KIAA2012: variants seen among roughly 807,000 people sequenced by gnomAD.
KIAA2012 encodes uncharacterized protein KIAA2012.
In KIAA2012, 125 loss-of-function variants were observed where a neutral mutation model predicts 150.6. The ratio of observed to expected loss-of-function variants is 0.83; its 90% CI spans 0.72 to 0.96. The LOEUF is 0.96. Ranked by LOEUF, KIAA2012 falls within the 40% of genes least tolerant of loss-of-function variation. The pLI is 0.00. For synonymous variants in KIAA2012, 462 were observed against 504.7 expected (o/e 0.92, Z 1.13); for missense variants, 1,219 against 1,354.9 (o/e 0.90, Z 1.57).
Position 202,154,773 on chromosome 2 carries a change from C to A in KIAA2012, c.2009C>A (p.Thr670Lys), listed in dbSNP as rs935148499. The A allele has an allele frequency of 6.5e-7, 1 of 1,549,504 alleles. No homozygotes were observed. The highest frequency in any genetic ancestry group is 8.7e-7 in the Non-Finnish European group (1 of 1,146,824). Residue 670 changes from threonine to lysine, a missense_variant, in exon 14 of 24, where the codon ACG becomes AAG. Physicochemically the swap from Thr to Lys is moderately conservative, Grantham distance 78. Transcript: ENST00000498697. ...LICSNRKEFYTRKLHIDMTPF... is the reference protein window; with the variant it reads ...LICSNRKEFYKRKLHIDMTPF... ...TGTTCAAACAGAAAAGAATTTTACA[C>A]GCGCAAGCTGCACATCGACATGACG...
intron 1 of KIAA2012, among the ~76,000 whole-genome samples, chr2:202,074,536 C>T (rs1468505938): frequency 6.6e-6 from 1 of 152,170 alleles, no homozygotes; most frequent in Non-Finnish European, 1.5e-5. Context: ...GCCAGCTAGT[C>T]CAGGTCTAAT....
At chr2:202,092,979 T>C in intron 3 of KIAA2012, 51 bp from the exon 4 acceptor site, 1 of 1,501,440 alleles carries the variant, frequency 6.7e-7, no homozygotes, top group Non-Finnish European at 9.0e-7. Context: ...CACCAAGAAC[T>C]TGAAGTTGGC....
rs540291197 is a variant in KIAA2012 at position 202,172,945 on chromosome 2, C to A, written c.2119+7589C>A. ...TATCTGCAGCCTGCAGTACTAGGTG[C>A]AAAATATTCTGCTAGTCCTTAGCAC... On this transcript the variant is annotated intron_variant, in intron 15 of 23. Transcript: ENST00000498697. Among the ~76,000 whole-genome samples, 20 of 152,350 alleles carry A rather than the reference C, an allele frequency of 1.3e-4. No homozygotes were observed. The South Asian group carries it at 4.1e-3, about 32-fold the overall frequency.
intron 12 of KIAA2012, among the ~76,000 whole-genome samples, chr2:202,133,130 A>ATATATATATTTTTTTTTTTTTTTT (rs1279080237): frequency 3.0e-5 from 2 of 67,784 alleles, no homozygotes; most frequent in Non-Finnish European, 5.8e-5. Context: ...ATATATATAT[A>ATATATATATTTTTTTTTTTTTTTT]TTTTTTTTTT....
chr2:202,189,367 C>G (rs1422238914), intron 18 of KIAA2012, among the ~76,000 whole-genome samples: 2 of 151,800 alleles, frequency 1.3e-5, no homozygotes, highest in Non-Finnish European at 2.9e-5. Flanking sequence ...TCTCGGCTCA[C>G]TGCAACCTCC....
At position 202,104,418 on chromosome 2, in the gene KIAA2012, G is replaced by A. The variant is rs1202424323; in HGVS notation, c.1324+1304G>A. Among the ~76,000 whole-genome samples, 1 of 152,240 alleles carries A rather than the reference G, an allele frequency of 6.6e-6. No individual in the cohort carries two copies. Among genetic ancestry groups the A allele is most frequent in the Admixed American group, 6.5e-5 (1 of 15,282 alleles). Reference sequence around the variant, plus strand: ...TAGTTTGTTACTCACAGTTCCAAGAGGAGGAGGCACACCACACCATGCAGG... The same window carrying A: ...TAGTTTGTTACTCACAGTTCCAAGAAGAGGAGGCACACCACACCATGCAGG... On this transcript the variant is annotated intron_variant, in intron 8 of 23. Coordinates refer to ENST00000498697, the MANE Select transcript of KIAA2012 (RefSeq NM_001277372.4). This position sits in a 1 kb window ranked among gnomAD's most constrained non-coding sequence, Gnocchi z 4.3.
intron 13 of KIAA2012, among the ~76,000 whole-genome samples, chr2:202,150,690 C>T (rs1393448239): frequency 6.6e-6 from 1 of 152,124 alleles, no homozygotes; most frequent in Non-Finnish European, 1.5e-5. Flanking sequence ...TCAAGTGATC[C>T]AGCCACCTCA....
rs140315237 is a variant in KIAA2012, at chr2:202,163,446, T to C, written c.2047-1838T>C. Among the ~76,000 whole-genome samples, 16 of 152,308 alleles carry C rather than the reference T, an allele frequency of 1.1e-4. No homozygotes were observed. The East Asian group carries it at 3.1e-3, about 29-fold the overall frequency. ...TAAAAAAAGATAGTTCTTTTGACACTCTTCTAAGCAACATACAATTGAATT... is the reference window on the plus strand; with the variant it reads ...TAAAAAAAGATAGTTCTTTTGACACCCTTCTAAGCAACATACAATTGAATT... On this transcript the variant is annotated intron_variant, in intron 14 of 23. Coordinates refer to ENST00000498697, the MANE Select transcript of KIAA2012 (RefSeq NM_001277372.4).
At chr2:202,174,228 G>A (rs1691950089) in intron 15 of KIAA2012, among the ~76,000 whole-genome samples, 1 of 152,184 alleles carries the variant, frequency 6.6e-6, no homozygotes, top group Non-Finnish European at 1.5e-5. Context: ...GCCTCCCAAA[G>A]TGCTGGGATT....
intron 15 of KIAA2012, among the ~76,000 whole-genome samples, chr2:202,183,532 G>A (rs1316582959): frequency 7.8e-6 from 1 of 128,486 alleles, no homozygotes. Context: ...GTGCTCCACT[G>A]GTGTGCAGTG....
At chr2:202,131,095 T>A (rs1690917227) in intron 12 of KIAA2012, among the ~76,000 whole-genome samples, 1 of 152,152 alleles carries the variant, frequency 6.6e-6, no homozygotes, top group Non-Finnish European at 1.5e-5. Context: ...AATGTAGACA[T>A]CAGAATCAGA....
At chr2:202,093,232 T>G (rs780055650) in intron 4 of KIAA2012, 47 bp downstream of exon 4, 18 of 1,535,292 alleles carry the variant, frequency 1.2e-5, no homozygotes, top group Non-Finnish European at 1.6e-5. Context: ...TCTCAGATAT[T>G]TGAATTGTTA....
rs549184750 is a variant in KIAA2012 at position 202,187,002 on chromosome 2, G to A, written c.2280G>A (p.Arg760=). The A allele has an allele frequency of 1.9e-6, 3 of 1,550,612 alleles. No individual in the cohort carries two copies. Among genetic ancestry groups the A allele is most frequent in the Non-Finnish European group, 2.6e-6 (3 of 1,146,994 alleles). The change falls in exon 17 of 24, where the codon AGG becomes AGA. Residue 760 remains arginine (R), a synonymous_variant. Coordinates refer to ENST00000498697, the MANE Select transcript of KIAA2012 (RefSeq NM_001277372.4). ...LLGYGPESPE[R]LSAVYTSLLP... ...GATACGGGCCTGAGTCACCCGAGAG[G>A]TTGAGTGCTGTGTATACATCTCTTC...
chr2:202,105,309 T>A (rs1030072473), intron 8 of KIAA2012, among the ~76,000 whole-genome samples: 2 of 151,998 alleles, frequency 1.3e-5, no homozygotes, highest in Admixed American at 1.3e-4. Flanking sequence ...AATTTGTTCA[T>A]GCAAGAATCA....
chr2:202,150,479 C>T (rs111792330), intron 13 of KIAA2012, among the ~76,000 whole-genome samples: 174 of 150,574 alleles, frequency 1.2e-3, no homozygotes, highest in African/African-American at 3.8e-3. Context: ...GACAGAGTCT[C>T]GCTCTGTCGC....
chr2:202,187,399 G>C (rs374679349), intron 17 of KIAA2012, among the ~76,000 whole-genome samples: 37 of 152,212 alleles, frequency 2.4e-4, no homozygotes, highest in African/African-American at 7.9e-4. Flanking sequence ...CCGCCTCCCA[G>C]GTTCAAGTGA....
intron 22 of KIAA2012, among the ~76,000 whole-genome samples, chr2:202,198,688 C>G (rs868732314): frequency 1.3e-5 from 2 of 152,176 alleles, no homozygotes; most frequent in Non-Finnish European, 2.9e-5. Flanking sequence ...AACTAATAAT[C>G]GTCCCTCTTT....
intron 14 of KIAA2012, among the ~76,000 whole-genome samples, chr2:202,158,078 TC>T (rs1041162443): frequency 5.9e-5 from 9 of 151,958 alleles, no homozygotes; most frequent in African/African-American, 2.2e-4. Context: ...CACTGCAAGC[TC>T]CCCCTCCTGG....
chr2:202,193,344 G>A lies in KIAA2012; in HGVS notation c.2855G>A (p.Arg952Lys), dbSNP rs754257172. Residue 952 changes from arginine (R) to lysine (K), a missense_variant, in exon 20 of 24, where the codon AGG (arginine) becomes AAG (lysine). By Grantham distance (26) the Arg-to-Lys change is conservative. Transcript: ENST00000498697. ...GAGCAGGAGAAGGCTTCCTGGGACA[G>A]GCTTCGAGCAGAAAGAGCCGAGATG... is the stretch of plus-strand genomic sequence containing the variant. Reference protein sequence around the residue: ...KREQEKASWDRLRAERAEMRW... With the variant: ...KREQEKASWDKLRAERAEMRW... The A allele has an allele frequency of 1.3e-6, 2 of 1,550,196 alleles. No individual in the cohort carries two copies. Among genetic ancestry groups the A allele is most frequent in the Non-Finnish European group, 8.7e-7 (1 of 1,146,826 alleles).
Sources: allele counts gnomAD v4.1 joint callset (sites outside exome capture counted in the v4.1 genomes callset), GRCh38; gene constraint gnomAD v4.1.1; non-coding constraint Gnocchi (gnomAD v3.1); transcripts MANE v1.5; gene names NCBI Gene and HGNC (gene_info 2026-07-23, HGNC 2026-07-21).